XRCC5: variants seen among roughly 807,000 people sequenced by gnomAD.
The protein encoded by XRCC5 is DNA repair protein Ku80.
In XRCC5, 12 loss-of-function variants were observed where a neutral mutation model predicts 95.7. The observed-to-expected ratio is 0.13, with a 90% CI of 0.08 to 0.20. The LOEUF (loss-of-function observed/expected upper bound fraction) is 0.20. Among genes scored for constraint, XRCC5 ranks in the 10% least tolerant of loss-of-function variants. XRCC5 has a pLI of 1.00. For missense variants in XRCC5, 595 were observed against 873.9 expected, an observed-to-expected ratio of 0.68 and a Z score of 4.02; for synonymous variants, 281 against 290.3, an observed-to-expected ratio of 0.97 and a Z score of 0.33.
At chr2:216,187,819 A>ACTCTCTCT (rs1433803805) in intron 16 of XRCC5, among the ~76,000 whole-genome samples, 6 of 51,002 alleles carry the variant, frequency 1.2e-4, no homozygotes, top group Admixed American at 2.3e-4. Context: ...ACACACACAC[A>ACTCTCTCT]CACTCTCTCT....
intron 16 of XRCC5, among the ~76,000 whole-genome samples, chr2:216,177,753 A>G (rs184096619): frequency 6.6e-6 from 1 of 152,264 alleles, no homozygotes; most frequent in Non-Finnish European, 1.5e-5. Context: ...ATTTTTGTCA[A>G]GCATGTATTT....
rs753410454 is a variant in XRCC5, at chr2:216,161,998, C to A, written c.1784C>A (p.Ala595Asp). 1.2e-6 allele frequency: 2 copies of A among 1,614,106 alleles called. No individual in the cohort carries two copies. Among genetic ancestry groups the A allele is most frequent in the South Asian group, 2.2e-5 (2 of 91,082 alleles). ...SVTSVGSVNP[A>D]ENFRVLVKQK... is the part of the protein sequence containing the mutation. ...TTTTAGGTTGGAAGTGTGAATCCTG[C>A]TGAAAACTTCCGTGTTCTAGTGAAA... Residue 595 changes from alanine (A) to aspartate (D), a missense_variant, in exon 16 of 21, where the codon GCT becomes GAT. Physicochemically the swap from Ala to Asp is moderately radical, Grantham distance 126. Coordinates refer to ENST00000392132, the MANE Select transcript of XRCC5 (RefSeq NM_021141.4).
intron 16 of XRCC5, among the ~76,000 whole-genome samples, chr2:216,188,160 A>G (rs550433514): frequency 2.0e-5 from 3 of 152,258 alleles, no homozygotes; most frequent in African/African-American, 7.2e-5. Context: ...TACTTAGGCT[A>G]ATTGTGTTTC....
intron 16 of XRCC5, among the ~76,000 whole-genome samples, chr2:216,180,258 A>G (rs1689358984): frequency 6.6e-6 from 1 of 152,220 alleles, no homozygotes; most frequent in Non-Finnish European, 1.5e-5. Context: ...ACACACAGAC[A>G]GTTCAGCAAA....
chr2:216,178,090 AAAAG>A (rs1187578688), intron 16 of XRCC5, among the ~76,000 whole-genome samples: 2 of 152,236 alleles, frequency 1.3e-5, no homozygotes, highest in African/African-American at 2.4e-5. Flanking sequence ...AATAAAACAA[AAAAG>A]AAAGAAAAGG....
At chr2:216,204,266 T>C in intron 19 of XRCC5, 56 bp from the exon 20 acceptor site, 1 of 1,606,752 alleles carries the variant, frequency 6.2e-7, no homozygotes, top group South Asian at 1.1e-5. Flanking sequence ...GATTGTTCCC[T>C]CTTTCAAAGG....
At chr2:216,151,036 G>A (rs981740439) in intron 14 of XRCC5, among the ~76,000 whole-genome samples, 3 of 152,116 alleles carry the variant, frequency 2.0e-5, no homozygotes, top group Non-Finnish European at 2.9e-5. Context: ...TGACCAAAAC[G>A]TCATTCCGTG....
chr2:216,192,962 A>G (rs1689645812), intron 18 of XRCC5, among the ~76,000 whole-genome samples: 3 of 152,186 alleles, frequency 2.0e-5, no homozygotes, highest in Non-Finnish European at 4.4e-5. Context: ...TAAACATGTA[A>G]GTTCCATCTT....
intron 16 of XRCC5, among the ~76,000 whole-genome samples, chr2:216,182,521 G>A (rs1689409184): frequency 1.3e-5 from 2 of 152,148 alleles, no homozygotes; most frequent in Non-Finnish European, 2.9e-5. Context: ...GCATTGGCAA[G>A]TTTTAGAATT....
chr2:216,198,875 G>T (rs1689783216), intron 19 of XRCC5, among the ~76,000 whole-genome samples: 1 of 152,152 alleles, frequency 6.6e-6, no homozygotes, highest in African/African-American at 2.4e-5. Context: ...CTTTTAAATG[G>T]CATCTGTTGA....
chr2:216,193,259 A>G (rs1414810825), intron 18 of XRCC5, among the ~76,000 whole-genome samples: 1 of 152,242 alleles, frequency 6.6e-6, no homozygotes. Context: ...GAAAGAAGAC[A>G]GCACACATTC....
At chr2:216,117,630 T>C (rs764208966) in intron 3 of XRCC5, 116 bp from the exon 4 acceptor site, 9 of 990,818 alleles carry the variant, frequency 9.1e-6, no homozygotes, top group South Asian at 4.2e-5. Flanking sequence ...GCAAGTACTT[T>C]AAGTCATCAC....
At chr2:216,197,795 T>A (rs1448323513) in intron 19 of XRCC5, among the ~76,000 whole-genome samples, 1 of 151,858 alleles carries the variant, frequency 6.6e-6, no homozygotes, top group Non-Finnish European at 1.5e-5. Context: ...GCAGACTCTT[T>A]CACATCTAGA....
In XRCC5 at chr2:216,137,182, C is replaced by T; in HGVS notation, c.1208C>T (p.Pro403Leu). ...TATGCTTATGACAAAAGAGCTAATCCTCAAGTCGGCGTGGCTTTTCCTCAT... is the reference window on the plus strand; with the variant it reads ...TATGCTTATGACAAAAGAGCTAATCTTCAAGTCGGCGTGGCTTTTCCTCAT... ...VRYAYDKRAN[P>L]QVGVAFPHIK... Residue 403 changes from proline (P) to leucine (L), a missense_variant, in exon 11 of 21, where the codon CCT becomes CTT. Physicochemically the swap from Pro to Leu is moderately conservative, Grantham distance 98 (BLOSUM62 -3). Around this residue, in one of 2 missense-constraint regions of XRCC5, gnomAD observed 286 missense variants for 491.1 expected, o/e 0.58. Transcript: ENST00000392132. The T allele has an allele frequency of 6.2e-7, 1 of 1,613,604 alleles. No homozygotes were observed. The highest frequency in any genetic ancestry group is 8.5e-7 in the Non-Finnish European group (1 of 1,179,730).
intron 5 of XRCC5, among the ~76,000 whole-genome samples, chr2:216,121,684 C>T (rs1245620409): frequency 6.6e-6 from 1 of 152,016 alleles, no homozygotes; most frequent in African/African-American, 2.4e-5. Context: ...TTTTGGGGGA[C>T]ACGTGTAGAC....
At chr2:216,187,697 G>A (rs908831575) in intron 16 of XRCC5, among the ~76,000 whole-genome samples, 1 of 150,512 alleles carries the variant, frequency 6.6e-6, no homozygotes, top group Non-Finnish European at 1.5e-5. Flanking sequence ...TCTTTTCCGT[G>A]TAGTCTTTAT....
chr2:216,174,733 A>G (rs1689238877), intron 16 of XRCC5, among the ~76,000 whole-genome samples: 1 of 152,208 alleles, frequency 6.6e-6, no homozygotes, highest in Non-Finnish European at 1.5e-5. Flanking sequence ...TTTCTGTTTA[A>G]GCTGCAATAA....
At chr2:216,122,285 A>C (rs1393294494) in intron 6 of XRCC5, 32 bp downstream of exon 6, 2 of 1,568,574 alleles carry the variant, frequency 1.3e-6, no homozygotes, top group African/African-American at 1.4e-5. Context: ...GGGAATTTTT[A>C]ATTGTACCCA....
Position 216,144,998 on chromosome 2 carries a change from C to A in XRCC5, c.1477-3085C>A, listed in dbSNP as rs139445954. ...GCATCTTGGAAGGCACAGGAAGAGA[C>A]GAGTTGGAAAGGAAGGAATCGCAAG... is the stretch of plus-strand genomic sequence containing the variant. On this transcript the variant is annotated intron_variant, in intron 13 of 20. Transcript: ENST00000392132. 3.0e-4 allele frequency among the ~76,000 whole-genome samples: 46 copies of A among 152,216 alleles called. 1 individual carries two copies. The highest frequency in any genetic ancestry group is 3.4e-3 in the Middle Eastern group (1 of 294).
Sources: allele counts gnomAD v4.1 joint callset (sites outside exome capture counted in the v4.1 genomes callset), GRCh38; gene constraint gnomAD v4.1.1; regional missense constraint gnomAD v4.1.1; transcripts MANE v1.5; gene names NCBI Gene and HGNC (gene_info 2026-07-23, HGNC 2026-07-21).